Variants in SMIM27 observed in about 807,000 individuals in gnomAD.
The protein encoded by SMIM27 is TOPORS antisense RNA 1 (non-protein coding).
Under a neutral mutation model 1.8 loss-of-function variants are expected in SMIM27, and 3 were observed. The observed-to-expected ratio is 1.65, with a 90% CI of 0.75 to 4.28. The LOEUF is 4.28. Ranked by LOEUF, SMIM27 falls within the 30% of genes most tolerant of loss-of-function variation. The pLI is 0.02. For synonymous variants in SMIM27, 19 were observed against 13.9 expected, an observed-to-expected ratio of 1.37 and a Z score of -0.82; for missense variants, 63 against 37.0, an observed-to-expected ratio of 1.70 and a Z score of -1.83.
Position 32,552,735 on chromosome 9 carries a change from T to C in SMIM27, c.46-66T>C, listed in dbSNP as rs73644988. 8,578 of 679,846 alleles carry C rather than the reference T, an allele frequency of 0.013. 551 individuals are homozygous for C. The African/African-American group carries it at 0.13, about 11-fold the overall frequency. 42.1% of individuals were successfully genotyped at this position (679,846 alleles called of 1,614,324 possible). ...ATTCCCACCTTAGCAATGGCAACGG[T>C]AACCTGACGGGGGCGAGGGGAAATA... On this transcript the variant is annotated intron_variant, in intron 1 of 1. Coordinates refer to ENST00000692500, the MANE Select transcript of SMIM27 (RefSeq NM_001387564.1).
At chr9:32,553,281 T>C (rs527785392), downstream of SMIM27, 2 of 189,588 alleles carry the variant, frequency 1.1e-5, no homozygotes, top group East Asian at 1.6e-4. Flanking sequence ...CTCCGCCTTC[T>C]GGGTTCACAC....
intron 1 of SMIM27, among the ~76,000 whole-genome samples, chr9:32,564,405 G>C (rs1821717362): frequency 6.6e-6 from 1 of 151,576 alleles, no homozygotes. Flanking sequence ...GAAGGTTTTA[G>C]CAACCCCGAG....
At chr9:32,552,229 A>AAG (rs761260818), upstream of SMIM27, 48 of 669,696 alleles carry the variant, frequency 7.2e-5, 1 homozygote, top group Non-Finnish European at 1.1e-4. Flanking sequence ...TCCCCTCTCT[A>AAG]AAAGGCGGGC....
downstream of SMIM27, chr9:32,553,612 C>A (rs2118992786): frequency 2.5e-6 from 1 of 397,492 alleles, no homozygotes; most frequent in Non-Finnish European, 4.6e-6. Context: ...AAAAAACAAA[C>A]AAACATGTAA....
At chr9:32,552,177 A>C, upstream of SMIM27, 2 of 221,326 alleles carry the variant, frequency 9.0e-6, no homozygotes, top group Non-Finnish European at 8.9e-6. Context: ...TAGTTGGCAA[A>C]AAAAAAAAAA....
At chr9:32,552,166 T>TCTC (rs35002468), upstream of SMIM27, 331,598 of 564,402 alleles carry the variant, frequency 0.59, 99,574 homozygotes, top group Middle Eastern at 0.68. Flanking sequence ...GCCTATCTCC[T>TCTC]TAGTTGGCAA....
chr9:32,566,591 G>C, exon 2 of SMIM27: 1 of 784,940 alleles, frequency 1.3e-6, no homozygotes, highest in Non-Finnish European at 2.4e-6. Flanking sequence ...ACATGGAGCG[G>C]AGGACCCGCA....
At chr9:32,552,715 C>T in intron 1 of SMIM27, 86 bp from the exon 2 acceptor site, 2 of 669,600 alleles carry the variant, frequency 3.0e-6, no homozygotes, top group Non-Finnish European at 5.4e-6. Context: ...CTTTAATTCC[C>T]ACCTTAGCAA....
At chr9:32,558,491 G>A (rs1216880054) in intron 1 of SMIM27, among the ~76,000 whole-genome samples, 1 of 152,148 alleles carries the variant, frequency 6.6e-6, no homozygotes, top group Admixed American at 6.5e-5. Flanking sequence ...TGAAAATGAG[G>A]TACAAAGCCA....
rs556282647 is a variant in SMIM27 at position 32,552,409 on chromosome 9, C to G, written c.-26C>G. The G allele has an allele frequency of 6.2e-7, 1 of 1,608,810 alleles. No homozygotes were observed. Among genetic ancestry groups the G allele is most frequent in the African/African-American group, 1.3e-5 (1 of 75,012 alleles). On this transcript the variant is annotated 5_prime_UTR_variant, in exon 1 of 2. Transcript: ENST00000692500. ...TAAGGCCCGCAGCTCCCGCCAGCTC[C>G]CGCGGACTGCTGCCGCCTCCTTACC... is the stretch of plus-strand genomic sequence containing the variant.
intron 1 of SMIM27, among the ~76,000 whole-genome samples, chr9:32,561,321 C>T (rs1821618298): frequency 6.6e-6 from 1 of 151,848 alleles, no homozygotes; most frequent in African/African-American, 2.4e-5. Flanking sequence ...CTAAAAAATT[C>T]ACTATTTTCT....
intron 1 of SMIM27, 144 bp downstream of exon 1, chr9:32,552,623 C>A: frequency 1.4e-6 from 1 of 733,208 alleles, no homozygotes; most frequent in South Asian, 1.5e-5. Context: ...CCGCCTCTTC[C>A]TGGAGGATAC....
chr9:32,553,124 G>T, downstream of SMIM27: 2 of 458,588 alleles, frequency 4.4e-6, no homozygotes, highest in Non-Finnish European at 3.8e-6. Flanking sequence ...AAATCTGACA[G>T]TCTTGAGTGT....
At chr9:32,562,488 C>G (rs1821654084) in intron 1 of SMIM27, among the ~76,000 whole-genome samples, 1 of 152,180 alleles carries the variant, frequency 6.6e-6, no homozygotes, top group East Asian at 1.9e-4. Context: ...TGTCAATAGG[C>G]TAACAGAAAG....
downstream of SMIM27, among the ~76,000 whole-genome samples, chr9:32,556,025 C>A (rs1821445876): frequency 6.6e-6 from 1 of 152,152 alleles, no homozygotes; most frequent in South Asian, 2.1e-4. Flanking sequence ...ATCCTCAGAT[C>A]AACAGAAGTC....
rs1821340798 is a variant in SMIM27, at chr9:32,552,981, T to G, written c.*58T>G. ...TCTTTCCCTCATGCTTATGTAGATA[T>G]AAAAATAAAATTCATAATGCAAAGT... is the stretch of plus-strand genomic sequence containing the variant. On this transcript the variant is annotated 3_prime_UTR_variant, in exon 2 of 2. Coordinates refer to ENST00000692500, the MANE Select transcript of SMIM27 (RefSeq NM_001387564.1). 1.6e-6 allele frequency: 1 copy of G among 619,164 alleles called. No individual in the cohort carries two copies. The allele number at this position is 619,164 out of a possible 1,614,324, so 38.4% of individuals were successfully genotyped here.
chr9:32,559,146 C>T (rs965631394), intron 1 of SMIM27, among the ~76,000 whole-genome samples: 3 of 152,224 alleles, frequency 2.0e-5, no homozygotes, highest in Non-Finnish European at 4.4e-5. Context: ...AGGTCCCACA[C>T]TTAACTTCTC....
downstream of SMIM27, among the ~76,000 whole-genome samples, chr9:32,557,183 G>A (rs1246469152): frequency 6.4e-5 from 7 of 109,646 alleles, no homozygotes; most frequent in African/African-American, 1.8e-4. Context: ...TTTTTTTCCC[G>A]AGACAGAGTC....
intron 1 of SMIM27, among the ~76,000 whole-genome samples, chr9:32,564,923 A>T (rs1821735692): frequency 1.3e-5 from 2 of 152,220 alleles, no homozygotes; most frequent in African/African-American, 4.8e-5. Context: ...GAAAAACGGC[A>T]GTTTCATGTG....
Sources: allele counts gnomAD v4.1 joint callset (sites outside exome capture counted in the v4.1 genomes callset), GRCh38; gene constraint gnomAD v4.1.1; transcripts MANE v1.5; gene names NCBI Gene and HGNC (gene_info 2026-07-23, HGNC 2026-07-21).